Variants in PTGES3L observed in about 807,000 individuals in gnomAD.
PTGES3L encodes prostaglandin E synthase 3 like.
PTGES3L carries 17 observed loss-of-function variants against 25.0 expected under a neutral mutation model. That is an observed-to-expected ratio of 0.68 (90% CI 0.47 to 1.02). The LOEUF is 1.02. Among genes scored for constraint, PTGES3L ranks in the 50% least tolerant of loss-of-function variants. The probability of loss-of-function intolerance (pLI) is 0.00; values close to 1 mark genes in which losing one functional copy is unlikely to be tolerated. For synonymous variants in PTGES3L, 59 were observed against 65.7 expected (o/e 0.90, Z 0.50); for missense variants, 202 against 197.5 (o/e 1.02, Z -0.14).
rs931033214 is a variant in PTGES3L, at chr17:42,979,567, A to G, written c.105T>C (p.Asp35=). 5 of 1,614,172 alleles carry G rather than the reference A, an allele frequency of 3.1e-6. No individual in the cohort carries two copies. Among genetic ancestry groups the G allele is most frequent in the Non-Finnish European group, 3.4e-6 (4 of 1,180,022 alleles). The change falls in exon 2 of 7, where the codon GAT becomes GAC. Residue 35 remains aspartate (D), a synonymous_variant. Transcript: ENST00000591916. ...GCCACTACCTGAACACAATGCGGTG[A>G]TCCTCAATAAGCACGTGGACATCGG... is the stretch of plus-strand genomic sequence containing the variant. ...DSTDVHVLIE[D]HRIVFSCKNA... is the part of the protein sequence containing the mutation.
intron 4 of PTGES3L, among the ~76,000 whole-genome samples, chr17:42,974,423 A>G (rs184860832): frequency 2.9e-4 from 44 of 151,894 alleles, no homozygotes; most frequent in Non-Finnish European, 5.6e-4. Context: ...TTCAAGGTCC[A>G]TGTTCCAAAG....
rs2049788704 is a variant in PTGES3L, at chr17:42,969,201, G to GAGA, written c.433-16_433-15insTCT. The GAGA allele has an allele frequency of 2.2e-6, 3 of 1,364,828 alleles. No homozygotes were observed. Among genetic ancestry groups the GAGA allele is most frequent in the Non-Finnish European group, 3.0e-6 (3 of 990,418 alleles). 84.5% of individuals were successfully genotyped at this position (1,364,828 alleles called of 1,614,324 possible). A position where few individuals can be genotyped will look rare whatever the true frequency, so the allele number is the denominator to read the frequency against. Reference sequence around the variant, plus strand: ...TCAGAATCATCCTGGGGGCGGGGGGGAAAAAAGACAAAGCACCTGTAGACC... The same window carrying GAGA: ...TCAGAATCATCCTGGGGGCGGGGGGGAGAAAAAAAGACAAAGCACCTGTAGACC... On this transcript the variant is annotated splice_polypyrimidine_tract_variant and intron_variant, in intron 6 of 6. Transcript: ENST00000591916.
chr17:42,972,484 C>T (rs1390799187), intron 4 of PTGES3L, among the ~76,000 whole-genome samples: 2 of 152,078 alleles, frequency 1.3e-5, no homozygotes, highest in Non-Finnish European at 2.9e-5. Context: ...AGGCACGCAC[C>T]GCCACGCCTG....
chr17:42,974,667 G>GGAGACTAACGC (rs1282431841), intron 4 of PTGES3L, among the ~76,000 whole-genome samples: 4 of 151,282 alleles, frequency 2.6e-5, no homozygotes, highest in Admixed American at 1.3e-4. Context: ...CATCTACTCA[G>GGAGACTAACGC]GAGACTAACG....
At chr17:42,970,674 G>GTGCA (rs1555565350) in intron 5 of PTGES3L, among the ~76,000 whole-genome samples, 1 of 105,606 alleles carries the variant, frequency 9.5e-6, no homozygotes, top group African/African-American at 3.3e-5. Context: ...GGCTTAACAC[G>GTGCA]CGCACACACA....
At chr17:42,977,460 C>G (rs1399721663) in intron 4 of PTGES3L, among the ~76,000 whole-genome samples, 1 of 148,694 alleles carries the variant, frequency 6.7e-6, no homozygotes, top group Non-Finnish European at 1.5e-5. Flanking sequence ...AAAAATTAGC[C>G]GGGCGTGGTG....
intron 4 of PTGES3L, among the ~76,000 whole-genome samples, chr17:42,978,100 A>AAAAAAAAAAC (rs377110391): frequency 1.4e-5 from 2 of 142,348 alleles, no homozygotes; most frequent in Non-Finnish European, 3.1e-5. Flanking sequence ...AAAAAAAAAA[A>AAAAAAAAAAC]CAGAAAGAAA....
chr17:42,979,001 AAAAT>A (rs995667202), intron 4 of PTGES3L, among the ~76,000 whole-genome samples, 165 bp downstream of exon 4: 1 of 152,282 alleles, frequency 6.6e-6, no homozygotes, highest in African/African-American at 2.4e-5. Flanking sequence ...ACTCCGTCTC[AAAAT>A]AAATAAATAA....
intron 4 of PTGES3L, among the ~76,000 whole-genome samples, chr17:42,978,085 A>AAAAAAC (rs985626374): frequency 6.7e-6 from 1 of 148,572 alleles, no homozygotes; most frequent in Non-Finnish European, 1.5e-5. Flanking sequence ...ATCAAAAAAA[A>AAAAAAC]AAAAAAAAAA....
Position 42,968,220 on chromosome 17 carries a change from G to C in PTGES3L, c.*928C>G, listed in dbSNP as rs1191854608. Reference sequence around the variant, plus strand: ...CAAATAAACATAGACATTAACTAGAGTAACAATCAGTTTTAAAAGTATAAA... The same window carrying C: ...CAAATAAACATAGACATTAACTAGACTAACAATCAGTTTTAAAAGTATAAA... On this transcript the variant is annotated 3_prime_UTR_variant, in exon 7 of 7. Transcript: ENST00000591916. 6.6e-6 allele frequency: 1 copy of C among 151,968 alleles called. No homozygotes were observed. Among genetic ancestry groups the C allele is most frequent in the African/African-American group, 2.4e-5 (1 of 41,392 alleles). 9.4% of individuals were successfully genotyped at this position (151,968 alleles called of 1,614,324 possible). A position where few individuals can be genotyped will look rare whatever the true frequency, so the allele number is the denominator to read the frequency against.
At chr17:42,977,626 AGAAAAAG>A (rs1226285665) in intron 4 of PTGES3L, among the ~76,000 whole-genome samples, 2 of 21,392 alleles carry the variant, frequency 9.3e-5, no homozygotes, top group Non-Finnish European at 5.9e-4. Flanking sequence ...AAAGAAAAGA[AGAAAAAG>A]AAAGAAAGAG....
rs1339858776 is a variant in PTGES3L, at chr17:42,968,522, C to T, written c.*626G>A. ...CTCCAGCCTGGGCGACAGAGCAAGA[C>T]TCCATCTCGGAAAAAAAAAAAAAAA... is the stretch of plus-strand genomic sequence containing the variant. On this transcript the variant is annotated 3_prime_UTR_variant, in exon 7 of 7. Transcript: ENST00000591916. 6.7e-6 allele frequency: 1 copy of T among 149,770 alleles called. No individual in the cohort carries two copies. Among genetic ancestry groups the T allele is most frequent in the Non-Finnish European group, 1.5e-5 (1 of 67,814 alleles). 9.3% of individuals were successfully genotyped at this position (149,770 alleles called of 1,614,324 possible).
chr17:42,977,382 C>T (rs572180901), intron 4 of PTGES3L, among the ~76,000 whole-genome samples: 21 of 150,244 alleles, frequency 1.4e-4, no homozygotes, highest in Non-Finnish European at 2.2e-4. Context: ...GCTGAGATCA[C>T]GCCACTGCAC....
chr17:42,973,495 C>T (rs1390344248), intron 4 of PTGES3L, among the ~76,000 whole-genome samples: 2 of 151,922 alleles, frequency 1.3e-5, no homozygotes, highest in African/African-American at 4.8e-5. Flanking sequence ...GGGAGGTGTG[C>T]CCAACAGCTC....
chr17:42,976,470 C>T (rs556335041), intron 4 of PTGES3L, among the ~76,000 whole-genome samples: 1 of 152,270 alleles, frequency 6.6e-6, no homozygotes, highest in East Asian at 1.9e-4. Context: ...CCTCCACTTC[C>T]CAGGTTCAAG....
intron 5 of PTGES3L, among the ~76,000 whole-genome samples, chr17:42,970,552 G>A (rs2049814200): frequency 6.6e-6 from 1 of 152,114 alleles, no homozygotes; most frequent in African/African-American, 2.4e-5. Context: ...GTCGGCTAGT[G>A]TTTTTATAAC....
At chr17:42,977,631 AAGAAAGAAAG>A (rs1293143914) in intron 4 of PTGES3L, among the ~76,000 whole-genome samples, 42 of 2,214 alleles carry the variant, frequency 0.019, 1 homozygote, top group East Asian at 0.5. Flanking sequence ...AAAGAAGAAA[AAGAAAGAAAG>A]AGAGAGAGGG....
At chr17:42,978,028 G>A (rs974188703) in intron 4 of PTGES3L, among the ~76,000 whole-genome samples, 2 of 116,690 alleles carry the variant, frequency 1.7e-5, no homozygotes, top group East Asian at 3.1e-4. Flanking sequence ...AGTGAGCTGC[G>A]ATCATGCCAT....
intron 4 of PTGES3L, among the ~76,000 whole-genome samples, chr17:42,978,727 G>A (rs913168933): frequency 3.3e-5 from 5 of 151,644 alleles, no homozygotes; most frequent in African/African-American, 4.8e-5. Context: ...TAAGCCAGGC[G>A]CGGTGGCTCA....
Sources: allele counts gnomAD v4.1 joint callset (sites outside exome capture counted in the v4.1 genomes callset), GRCh38; gene constraint gnomAD v4.1.1; transcripts MANE v1.5; gene names NCBI Gene and HGNC (gene_info 2026-07-23, HGNC 2026-07-21).